The following CAPRIN2 variants were observed in gnomAD, a reference collection of about 807,000 sequenced individuals.
The protein encoded by CAPRIN2 is caprin-2.
In CAPRIN2, 66 loss-of-function variants were observed where a neutral mutation model predicts 130.4. That is an observed-to-expected ratio of 0.51 (90% CI 0.42 to 0.62). The LOEUF (loss-of-function observed/expected upper bound fraction) is 0.62, where lower values mean the gene tolerates loss of function less well. CAPRIN2 is among the 20% of genes least tolerant of loss of function. The pLI, the probability that CAPRIN2 is intolerant of heterozygous loss-of-function variation, is 0.00. For synonymous variants in CAPRIN2, 471 were observed against 444.1 expected (o/e 1.06, Z -0.76); for missense variants, 1,185 against 1,246.6 (o/e 0.95, Z 0.74).
At chr12:30,734,186 T>G (rs898477497) in intron 4 of CAPRIN2, among the ~76,000 whole-genome samples, 1 of 152,156 alleles carries the variant, frequency 6.6e-6, no homozygotes, top group African/African-American at 2.4e-5. Context: ...GACGATGGAG[T>G]AGACTATCAG....
In CAPRIN2 at chr12:30,710,624, T is replaced by C. The variant is rs1275411792; in HGVS notation, c.2666-154A>G. ...ATAGCTAGATTATACTTTTCTAGATTTTTCTGGTAATAGGTTTTTACATAC... is the reference window on the plus strand; with the variant it reads ...ATAGCTAGATTATACTTTTCTAGATCTTTCTGGTAATAGGTTTTTACATAC... On this transcript the variant is annotated intron_variant, in intron 16 of 16. Coordinates refer to ENST00000298892, the Ensembl canonical transcript of CAPRIN2. This position sits in a 1 kb window ranked among gnomAD's most constrained non-coding sequence, Gnocchi z 4.8. 2.5e-6 allele frequency: 3 copies of C among 1,197,296 alleles called. No individual in the cohort carries two copies. 74.2% of individuals were successfully genotyped at this position (1,197,296 alleles called of 1,614,324 possible).
At chr12:30,719,111 T>C (rs2058568756) in intron 12 of CAPRIN2, 3 of 1,614,168 alleles carry the variant, frequency 1.9e-6, no homozygotes, top group East Asian at 2.2e-5. Flanking sequence ...GCTGTGTTAA[T>C]GGTTACTGAA....
Position 30,719,062 on chromosome 12 carries a change from T to G in CAPRIN2, c.2148+1749A>C, listed in dbSNP as rs1448848283. On this transcript the variant is annotated intron_variant, in intron 12 of 16. Transcript: ENST00000298892. ...AGGAATAATGAACTGCAATCATCAT[T>G]CATGTTTCATACTCACTGTCTGCAT... The G allele has an allele frequency of 2.5e-6, 4 of 1,609,786 alleles. No homozygotes were observed. The highest frequency in any genetic ancestry group is 3.4e-6 in the Non-Finnish European group (4 of 1,177,380).
At chr12:30,735,753 T>A (rs1261305059) in intron 3 of CAPRIN2, among the ~76,000 whole-genome samples, 1 of 152,156 alleles carries the variant, frequency 6.6e-6, no homozygotes, top group African/African-American at 2.4e-5. Flanking sequence ...AAATTAAAAA[T>A]TTTTTAAATA....
intron 2 of CAPRIN2, among the ~76,000 whole-genome samples, chr12:30,749,139 T>C (rs2139744082): frequency 6.6e-6 from 1 of 152,074 alleles, no homozygotes; most frequent in East Asian, 1.9e-4. Context: ...TCCCAAGCAG[T>C]AGGAATATCA....
chr12:30,714,774 T>C (rs955617841), intron 14 of CAPRIN2, among the ~76,000 whole-genome samples, 185 bp downstream of exon 16: 5 of 152,232 alleles, frequency 3.3e-5, no homozygotes, highest in Non-Finnish European at 5.9e-5. Context: ...CTGCTTTTCA[T>C]ACAGAAAATT....
intron 2 of CAPRIN2, among the ~76,000 whole-genome samples, chr12:30,744,587 T>TC (rs2069054821): frequency 6.6e-6 from 1 of 152,198 alleles, no homozygotes; most frequent in Non-Finnish European, 1.5e-5. Flanking sequence ...CTCATTCATA[T>TC]TTTAGGTCTT....
At chr12:30,737,728 G>C (rs1020228899) in intron 3 of CAPRIN2, among the ~76,000 whole-genome samples, 3 of 151,572 alleles carry the variant, frequency 2.0e-5, no homozygotes, top group Admixed American at 6.6e-5. Context: ...CTCCCGAGTA[G>C]CTGGGACTAC....
At chr12:30,751,636 T>C (rs1441232268) in intron 1 of CAPRIN2, 1 of 161,744 alleles carries the variant, frequency 6.2e-6, no homozygotes, top group East Asian at 1.7e-4. Context: ...CGAAGAATTA[T>C]CCTGTACAAA....
At chr12:30,728,836 G>C in exon 8 of CAPRIN2, 1 of 1,614,154 alleles carries the variant, frequency 6.2e-7, no homozygotes, top group Non-Finnish European at 8.5e-7. Context: ...TCACACATGG[G>C]AGTGGTCCAT....
intron 2 of CAPRIN2, among the ~76,000 whole-genome samples, chr12:30,742,756 CAT>C (rs981940920): frequency 2.0e-5 from 3 of 151,730 alleles, no homozygotes; most frequent in African/African-American, 7.3e-5. Context: ...GAAGGTACCA[CAT>C]GAGAAAGGAG....
chr12:30,736,436 G>A (rs543887701), intron 3 of CAPRIN2, among the ~76,000 whole-genome samples: 1 of 151,256 alleles, frequency 6.6e-6, no homozygotes, highest in African/African-American at 2.4e-5. Flanking sequence ...CTATAGATGG[G>A]TCAAAGTACT....
At chr12:30,736,573 T>G (rs901110024) in intron 3 of CAPRIN2, among the ~76,000 whole-genome samples, 2 of 152,202 alleles carry the variant, frequency 1.3e-5, no homozygotes, top group South Asian at 4.1e-4. Flanking sequence ...CTAGGGGATG[T>G]GGAAGCAACT....
chr12:30,714,086 G>A (rs1376496824), intron 14 of CAPRIN2, among the ~76,000 whole-genome samples: 3 of 152,122 alleles, frequency 2.0e-5, no homozygotes, highest in Non-Finnish European at 2.9e-5. Flanking sequence ...AATAAGCCAG[G>A]TTTATAAATT....
chr12:30,753,475 T>C, exon 1 of CAPRIN2: 2 of 1,614,232 alleles, frequency 1.2e-6, no homozygotes, highest in East Asian at 4.5e-5. Flanking sequence ...GCCCGCTGGC[T>C]TTCCCCATGC....
chr12:30,749,667 G>A (rs1266303838), intron 2 of CAPRIN2, among the ~76,000 whole-genome samples: 1 of 152,184 alleles, frequency 6.6e-6, no homozygotes, highest in African/African-American at 2.4e-5. Flanking sequence ...ACATAGCTAA[G>A]ATTAGAGGAG....
chr12:30,711,999 C>G (rs1484527483), intron 15 of CAPRIN2, among the ~76,000 whole-genome samples: 1 of 152,156 alleles, frequency 6.6e-6, no homozygotes, highest in African/African-American at 2.4e-5. Flanking sequence ...AAAACACAGA[C>G]TTTTCTCAAC....
intron 2 of CAPRIN2, among the ~76,000 whole-genome samples, chr12:30,742,957 G>A (rs906101817): frequency 6.6e-6 from 1 of 152,068 alleles, no homozygotes; most frequent in African/African-American, 2.4e-5. Flanking sequence ...AGTCCTCAGA[G>A]GGATGTAAAA....
At chr12:30,752,836 C>T (rs1190717322) in intron 1 of CAPRIN2, among the ~76,000 whole-genome samples, 1 of 152,172 alleles carries the variant, frequency 6.6e-6, no homozygotes, top group East Asian at 1.9e-4. Context: ...TGTAGCTAGG[C>T]TTAACTCCTG....
Sources: gnomAD v4.1 joint callset for allele counts (sites outside exome capture counted in the v4.1 genomes callset) on GRCh38, gnomAD v4.1.1 for gene constraint, Gnocchi (gnomAD v3.1) non-coding constraint, MANE v1.5 for transcripts, NCBI Gene and HGNC (gene_info 2026-07-23, HGNC 2026-07-21) for gene names.